The following TM4SF4 variants were observed in gnomAD, a reference collection of about 807,000 sequenced individuals.
The protein encoded by TM4SF4 is transmembrane 4 L six family member 4.
TM4SF4 carries 24 observed loss-of-function variants against 24.1 expected under a neutral mutation model. The ratio of observed to expected loss-of-function variants is 1.00; its 90% confidence interval spans 0.72 to 1.40. TM4SF4 has a LOEUF of 1.40. Among genes scored for constraint, TM4SF4 ranks in the 40% most tolerant of loss-of-function variants. The probability of loss-of-function intolerance (pLI) is 0.00; values close to 1 mark genes in which losing one functional copy is unlikely to be tolerated. For missense variants in TM4SF4, 254 were observed against 254.2 expected (o/e 1.00, Z 0.01); for synonymous variants, 113 against 97.0 (o/e 1.17, Z -0.97).
Position 149,481,364 on chromosome 3 carries a change from C to A in TM4SF4, c.264+5452C>A, listed in dbSNP as rs935710823. On this transcript the variant is annotated intron_variant, in intron 2 of 4. Coordinates refer to ENST00000305354, the MANE Select transcript of TM4SF4 (RefSeq NM_004617.4). ...CTGGATGGATGAAGTAAGTGAACACCTAGGAGAGGAAACGGGCTTCCATAT... is the reference window on the plus strand; with the variant it reads ...CTGGATGGATGAAGTAAGTGAACACATAGGAGAGGAAACGGGCTTCCATAT... Among the ~76,000 whole-genome samples, 5 of 151,974 alleles carry A rather than the reference C, an allele frequency of 3.3e-5. No individual in the cohort carries two copies. In the East Asian group the frequency reaches 9.6e-4, roughly 29 times the overall value.
intron 2 of TM4SF4, among the ~76,000 whole-genome samples, chr3:149,481,358 G>GA (rs1322743734): frequency 6.6e-6 from 1 of 152,034 alleles, no homozygotes. Flanking sequence ...TGAAGTAAGT[G>GA]AACACCTAGG....
intron 1 of TM4SF4, 124 bp from the exon 2 acceptor site, chr3:149,475,699 A>T (rs746386564): frequency 4.1e-5 from 31 of 752,740 alleles, no homozygotes; most frequent in Admixed American, 4.0e-4. Context: ...ATGCTCTGTT[A>T]CTTTGCCATT....
At chr3:149,501,040 G>A (rs1231975375) in intron 4 of TM4SF4, among the ~76,000 whole-genome samples, 3 of 148,638 alleles carry the variant, frequency 2.0e-5, no homozygotes, top group African/African-American at 4.9e-5. Context: ...AAAAAAAAGA[G>A]AGAGAGAGAA....
At chr3:149,491,229 T>G (rs1256629486) in intron 3 of TM4SF4, among the ~76,000 whole-genome samples, 4 of 149,322 alleles carry the variant, frequency 2.7e-5, no homozygotes, top group Non-Finnish European at 5.9e-5. Context: ...AAGGATTGCT[T>G]GAGCCCAGGA....
chr3:149,495,645 G>A (rs574435524), intron 3 of TM4SF4: 288 of 325,758 alleles, frequency 8.8e-4, no homozygotes, highest in Non-Finnish European at 1.4e-3. Flanking sequence ...TGGCTTCACT[G>A]CTGAAGTGTT....
At chr3:149,488,250 T>A (rs1012613113) in intron 3 of TM4SF4, among the ~76,000 whole-genome samples, 4 of 152,262 alleles carry the variant, frequency 2.6e-5, no homozygotes, top group African/African-American at 9.6e-5. Flanking sequence ...TTTCTCATGT[T>A]AATGTTAATA....
chr3:149,494,118 C>A (rs1186525882), intron 3 of TM4SF4, among the ~76,000 whole-genome samples: 1 of 152,180 alleles, frequency 6.6e-6, no homozygotes, highest in African/African-American at 2.4e-5. Flanking sequence ...CTGAGGACCC[C>A]TCTCTCCCTG....
chr3:149,488,863 T>C (rs1234410418), intron 3 of TM4SF4, among the ~76,000 whole-genome samples: 1 of 152,066 alleles, frequency 6.6e-6, no homozygotes, highest in Non-Finnish European at 1.5e-5. Flanking sequence ...GAAGAATGGA[T>C]TTGTGCCTAA....
At chr3:149,498,968 TAGCATAAGGGAGGCCAGGTCAGGCCACC>T in intron 4 of TM4SF4, 57 bp downstream of exon 4, 1 of 1,581,424 alleles carries the variant, frequency 6.3e-7, no homozygotes, top group Non-Finnish European at 8.7e-7. Flanking sequence ...GTCAGGCCAC[TAGCATAAGGGAGGCCAGGTCAGGCCACC>T]AGCACTGAAG....
intron 2 of TM4SF4, among the ~76,000 whole-genome samples, chr3:149,480,742 T>C (rs1734019683): frequency 6.6e-6 from 1 of 152,068 alleles, no homozygotes; most frequent in South Asian, 2.1e-4. Context: ...TTTAGAGAAA[T>C]GGAATATATT....
At chr3:149,495,886 G>C (rs1250311417) in intron 3 of TM4SF4, 2 of 187,282 alleles carry the variant, frequency 1.1e-5, no homozygotes, top group African/African-American at 4.8e-5. Flanking sequence ...GGGTCATGTT[G>C]CTGTTTGTGA....
intron 3 of TM4SF4, among the ~76,000 whole-genome samples, chr3:149,491,850 A>G (rs1320264928): frequency 1.3e-5 from 2 of 152,158 alleles, no homozygotes; most frequent in African/African-American, 4.8e-5. Context: ...AGGCATGAAA[A>G]GGCTGACATG....
chr3:149,475,418 C>T (rs185326270), intron 1 of TM4SF4, among the ~76,000 whole-genome samples: 1 of 152,270 alleles, frequency 6.6e-6, no homozygotes, highest in East Asian at 1.9e-4. Context: ...TTAAAACCAC[C>T]ATGAGAAGCT....
At position 149,474,709 on chromosome 3, in the gene TM4SF4, C is replaced by G; in HGVS notation, c.-169C>G. ...TCGAGGTTCTGCTATTTTTGAGAAG[C>G]TGAAGCAACTCCAAGGACACAGTTC... On this transcript the variant is annotated 5_prime_UTR_variant, in exon 1 of 5. Transcript: ENST00000305354. 1.6e-6 allele frequency: 1 copy of G among 608,664 alleles called. No homozygotes were observed. The highest frequency in any genetic ancestry group is 2.7e-6 in the Non-Finnish European group (1 of 365,454). The allele number at this position is 608,664 out of a possible 1,614,324, so 37.7% of individuals were successfully genotyped here. A position where few individuals can be genotyped will look rare whatever the true frequency, so the allele number is the denominator to read the frequency against.
chr3:149,477,877 T>G (rs981955443), intron 2 of TM4SF4, among the ~76,000 whole-genome samples: 1 of 152,186 alleles, frequency 6.6e-6, no homozygotes, highest in Non-Finnish European at 1.5e-5. Flanking sequence ...GAGGATTTTT[T>G]TTTTAATTAG....
At chr3:149,487,578 A>G in intron 2 of TM4SF4, 41 bp from the exon 3 acceptor site, 1 of 1,612,528 alleles carries the variant, frequency 6.2e-7, no homozygotes, top group Middle Eastern at 1.7e-4. Flanking sequence ...TATCCTCTGG[A>G]CCACCTGGAG....
chr3:149,476,968 T>A (rs1370747233), intron 2 of TM4SF4, among the ~76,000 whole-genome samples: 1 of 151,824 alleles, frequency 6.6e-6, no homozygotes, highest in East Asian at 1.9e-4. Flanking sequence ...GCAGCTGATT[T>A]TTTGTATTTT....
chr3:149,479,062 TGGC>T (rs970811178), intron 2 of TM4SF4, among the ~76,000 whole-genome samples: 3 of 152,196 alleles, frequency 2.0e-5, no homozygotes, highest in African/African-American at 7.2e-5. Flanking sequence ...CCACTGCGCC[TGGC>T]CGATTGTTCT....
chr3:149,475,239 A>C (rs773545429), intron 1 of TM4SF4, among the ~76,000 whole-genome samples, 188 bp downstream of exon 1: 1 of 152,138 alleles, frequency 6.6e-6, no homozygotes, highest in Non-Finnish European at 1.5e-5. Context: ...ACGTCAGCTA[A>C]ATTTACTAAG....
Sources: allele counts gnomAD v4.1 joint callset (sites outside exome capture counted in the v4.1 genomes callset), GRCh38; gene constraint gnomAD v4.1.1; transcripts MANE v1.5; gene names NCBI Gene and HGNC (gene_info 2026-07-23, HGNC 2026-07-21).